Variants in SATL1 observed in about 807,000 individuals in gnomAD.
SATL1 encodes the protein spermidine/spermine N1-acetyl transferase like 1.
SATL1 carries 47 observed loss-of-function variants against 51.8 expected under a neutral mutation model. The observed-to-expected ratio is 0.91, with a 90% CI of 0.72 to 1.16. The LOEUF (loss-of-function observed/expected upper bound fraction) is 1.16. SATL1 is among the 50% of genes most tolerant of loss of function. The probability of loss-of-function intolerance (pLI) is 0.00; values close to 1 mark genes in which losing one functional copy is unlikely to be tolerated. For synonymous variants in SATL1, 176 were observed against 182.4 expected, an observed-to-expected ratio of 0.97 and a Z score of 0.28; for missense variants, 520 against 526.4, an observed-to-expected ratio of 0.99 and a Z score of 0.12.
intron 2 of SATL1, among the ~76,000 whole-genome samples, chrX:85,137,683 T>A (rs1925996441): frequency 8.9e-6 from 1 of 111,995 alleles, no homozygotes; most frequent in Non-Finnish European, 1.9e-5. Context: ...TTCCTGGATC[T>A]GTGGTTTGGT....
At chrX:85,176,370 A>G (rs1236632728) in intron 2 of SATL1, among the ~76,000 whole-genome samples, 1 of 111,931 alleles carries the variant, frequency 8.9e-6, no homozygotes, top group East Asian at 2.8e-4. Context: ...TATCCTATAG[A>G]ATATATTTCC....
rs191471457 is a variant in SATL1, at chrX:85,185,427, C to A, written c.-313+38778G>T. On this transcript the variant is annotated intron_variant, in intron 2 of 7. Coordinates refer to ENST00000644105, the MANE Select transcript of SATL1 (RefSeq NM_001367857.2). ...TTACCTTCAGGAGAGTGAGTTCTCC[C>A]TGGCCCCTGTGGGTCCAGAGATGCC... is the stretch of plus-strand genomic sequence containing the variant. Among the ~76,000 whole-genome samples the A allele has an allele frequency of 4.4e-5, 5 of 112,612 alleles. No homozygotes were observed. In the East Asian group the frequency reaches 1.4e-3, roughly 32 times the overall value.
rs755883461 is a variant in SATL1 at position 85,203,932 on chromosome X, T to C, written c.-313+20273A>G. ...ATTCAGCCTTTTTCCTAGGAGTATG[T>C]ACAGGAGTGTAACTTTTCACTTTGC... On this transcript the variant is annotated intron_variant, in intron 2 of 7. Coordinates refer to ENST00000644105, the MANE Select transcript of SATL1 (RefSeq NM_001367857.2). 4.5e-5 allele frequency among the ~76,000 whole-genome samples: 5 copies of C among 112,098 alleles called. No homozygotes were observed. The East Asian group carries it at 1.4e-3, about 32-fold the overall frequency.
Position 85,108,429 on chromosome X carries a change from T to G in SATL1, c.540A>C (p.Gln180His), listed in dbSNP as rs773127405. Residue 180 changes from glutamine (Q) to histidine (H), a missense_variant, in exon 3 of 8, where the codon CAA becomes CAC. By Grantham distance (24) the Gln-to-His change is conservative. Around this residue, in one of 3 missense-constraint regions of SATL1, gnomAD observed 488 missense variants for 474.3 expected, o/e 1.03. Coordinates refer to ENST00000644105, the MANE Select transcript of SATL1 (RefSeq NM_001367857.2). Reference protein sequence around the residue: ...QPGTWQTGLSQPVLRQPNMSP... With the variant: ...QPGTWQTGLSHPVLRQPNMSP... The stretch of plus-strand genomic sequence containing the variant: ...TCATGTTTGGTTGCCTCAGGACTGG[T>G]TGGCTCAGTCCTGTTTGCCATGTGC... The G allele has an allele frequency of 8.3e-7, 1 of 1,210,235 alleles. No homozygotes were observed. Among genetic ancestry groups the G allele is most frequent in the African/African-American group, 1.7e-5 (1 of 57,216 alleles).
chrX:85,201,053 C>A (rs780172615), intron 2 of SATL1, among the ~76,000 whole-genome samples: 1 of 110,452 alleles, frequency 9.1e-6, no homozygotes, highest in Admixed American at 9.7e-5. Flanking sequence ...GTCTACAGTA[C>A]CTCAGGGTAC....
chrX:85,228,551 C>G (rs1367811060), intron 1 of SATL1, among the ~76,000 whole-genome samples: 1 of 111,211 alleles, frequency 9.0e-6, no homozygotes, highest in Non-Finnish European at 1.9e-5. Flanking sequence ...CTTTATAGAA[C>G]TCATTACAAC....
Position 85,108,315 on chromosome X carries a change from C to T in SATL1, c.654G>A (p.Met218Ile), listed in dbSNP as rs1556386391. The T allele has an allele frequency of 8.3e-7, 1 of 1,209,749 alleles. No individual in the cohort carries two copies. Among genetic ancestry groups the T allele is most frequent in the Non-Finnish European group, 1.1e-6 (1 of 894,928 alleles). ...CTGGTTGGCTGGGGACTTGCTGGCT[C>T]ATGCCTGGTTGACTCATGTCTGGGT... ...PSHPDMSQPG[M>I]SQQVPSQPGI... The change falls in exon 3 of 8, where the codon ATG becomes ATA. Residue 218 changes from methionine (M) to isoleucine (I), a missense_variant. Around this residue, in one of 3 missense-constraint regions of SATL1, gnomAD observed 488 missense variants for 474.3 expected, o/e 1.03. Transcript: ENST00000644105.
chrX:85,186,114 C>T lies in SATL1; in HGVS notation c.-313+38091G>A, dbSNP rs144739955. On this transcript the variant is annotated intron_variant, in intron 2 of 7. Coordinates refer to ENST00000644105, the MANE Select transcript of SATL1 (RefSeq NM_001367857.2). ...CCCTGGGCATGCCTGGAAATGTCAT[C>T]CCAGAGCTGGGGCTTGAAATGGGGG... 9.9e-3 allele frequency among the ~76,000 whole-genome samples: 1,087 copies of T among 109,961 alleles called. 15 individuals carry two copies. The highest frequency in any genetic ancestry group is 0.034 in the African/African-American group (1,027 of 30,246).
At chrX:85,217,401 A>G (rs1306408015) in intron 2 of SATL1, among the ~76,000 whole-genome samples, 1 of 111,239 alleles carries the variant, frequency 9.0e-6, no homozygotes, top group Non-Finnish European at 1.9e-5. Context: ...GTAATTTCCA[A>G]GAAGTAGGGG....
At chrX:85,228,481 G>C (rs1406305372) in intron 1 of SATL1, among the ~76,000 whole-genome samples, 1 of 111,370 alleles carries the variant, frequency 9.0e-6, no homozygotes, top group Non-Finnish European at 1.9e-5. Context: ...GCCTCCTTTA[G>C]AAGAAAATCC....
chrX:85,109,971 T>C (rs1291986786), intron 2 of SATL1, among the ~76,000 whole-genome samples: 2 of 111,580 alleles, frequency 1.8e-5, no homozygotes, highest in Non-Finnish European at 1.9e-5. Flanking sequence ...GATCGCACTA[T>C]TGCACTCCAG....
At position 85,119,041 on chromosome X, in the gene SATL1, C is replaced by A. The variant is rs941858087; in HGVS notation, c.-312-9761G>T. Among the ~76,000 whole-genome samples the A allele has an allele frequency of 2.7e-5, 3 of 111,828 alleles. No homozygotes were observed. In the Admixed American group the frequency reaches 2.9e-4, roughly 11 times the overall value. On this transcript the variant is annotated intron_variant, in intron 2 of 7. Coordinates refer to ENST00000644105, the MANE Select transcript of SATL1 (RefSeq NM_001367857.2). ...TATTAAACATTAAGTATGTGCCAAGCTGTTTGAGGCAATGCCAAACATTAA... is the reference window on the plus strand; with the variant it reads ...TATTAAACATTAAGTATGTGCCAAGATGTTTGAGGCAATGCCAAACATTAA...
intron 2 of SATL1, among the ~76,000 whole-genome samples, chrX:85,127,930 A>G (rs1925669150): frequency 9.0e-6 from 1 of 110,646 alleles, no homozygotes; most frequent in Non-Finnish European, 1.9e-5. Flanking sequence ...TCTGCTCAGA[A>G]TTATGGTTTC....
chrX:85,225,199 CTG>C (rs760863247), intron 1 of SATL1, among the ~76,000 whole-genome samples: 1 of 111,880 alleles, frequency 8.9e-6, no homozygotes, highest in African/African-American at 3.2e-5. Context: ...TGTATCTTGA[CTG>C]TGGTAGTGGA....
rs138166333 is a variant in SATL1 at position 85,107,525 on chromosome X, A to G, written c.1444T>C (p.Trp482Arg). The G allele has an allele frequency of 3.7e-5, 45 of 1,209,775 alleles. No homozygotes were observed. The African/African-American group carries it at 7.0e-4, about 19-fold the overall frequency. ...SHPGRGQPGI[W>R]EPGPSQPGLS... ...CCTGGCTGACTCGGCCCCGGTTCCC[A>G]TATGCCTGGTTGGCCCCTGCCTGGA... is the stretch of plus-strand genomic sequence containing the variant. Residue 482 changes from tryptophan (W) to arginine (R), a missense_variant, in exon 3 of 8, where the codon TGG (tryptophan) becomes CGG (arginine). Transcript: ENST00000644105.
intron 2 of SATL1, among the ~76,000 whole-genome samples, chrX:85,126,838 A>ACC (rs768842273): frequency 9.8e-6 from 1 of 101,626 alleles, no homozygotes; most frequent in Non-Finnish European, 2.0e-5. Flanking sequence ...CACAAGTTTT[A>ACC]CCCCCCCCAC....
At chrX:85,100,572 A>G (rs923198158) in intron 4 of SATL1, among the ~76,000 whole-genome samples, 6 of 112,043 alleles carry the variant, frequency 5.4e-5, no homozygotes, top group African/African-American at 1.9e-4. Flanking sequence ...AAAAAGAAAA[A>G]CAACAACAAC....
chrX:85,104,015 G>A (rs759926967), intron 3 of SATL1, 100 bp from the exon 4 acceptor site: 33 of 590,549 alleles, frequency 5.6e-5, no homozygotes, highest in East Asian at 2.5e-4. Context: ...GACATGTGAC[G>A]TCCTGGGCAG....
At chrX:85,223,280 C>T (rs759823884) in intron 2 of SATL1, among the ~76,000 whole-genome samples, 1 of 111,624 alleles carries the variant, frequency 9.0e-6, no homozygotes, top group Non-Finnish European at 1.9e-5. Flanking sequence ...GTTTTTGCTA[C>T]TGACACTTGT....
Sources: allele counts gnomAD v4.1 joint callset (sites outside exome capture counted in the v4.1 genomes callset), GRCh38; gene constraint gnomAD v4.1.1; regional missense constraint gnomAD v4.1.1; transcripts MANE v1.5; gene names NCBI Gene and HGNC (gene_info 2026-07-23, HGNC 2026-07-21).